The following GDPD5 variants were observed in gnomAD, a reference collection of about 807,000 sequenced individuals.
GDPD5 encodes the protein glycerophosphodiester phosphodiesterase 2.
Under a neutral mutation model 75.1 loss-of-function variants are expected in GDPD5, and 48 were observed. The ratio of observed to expected loss-of-function variants is 0.64; its 90% CI spans 0.51 to 0.81. GDPD5 has a LOEUF of 0.81. Among genes scored for constraint, GDPD5 ranks in the 40% least tolerant of loss-of-function variants. The probability of loss-of-function intolerance (pLI) is 0.00; values close to 1 mark genes in which losing one functional copy is unlikely to be tolerated. For synonymous variants in GDPD5, 336 were observed against 339.0 expected, an observed-to-expected ratio of 0.99 and a Z score of 0.10; for missense variants, 706 against 822.6, an observed-to-expected ratio of 0.86 and a Z score of 1.73.
At chr11:75,509,721 C>G (rs903919948) in intron 1 of GDPD5, among the ~76,000 whole-genome samples, 1 of 152,142 alleles carries the variant, frequency 6.6e-6, no homozygotes, top group South Asian at 2.1e-4. Flanking sequence ...GCTCTGTTGC[C>G]CAGGCTGGAG....
At chr11:75,459,257 T>C (rs990789683) in intron 4 of GDPD5, among the ~76,000 whole-genome samples, 2 of 152,206 alleles carry the variant, frequency 1.3e-5, no homozygotes, top group Non-Finnish European at 2.9e-5. Context: ...GAAATTTTTA[T>C]ACATATCTTT....
At chr11:75,503,713 C>T (rs1487338536) in intron 1 of GDPD5, among the ~76,000 whole-genome samples, 1 of 152,242 alleles carries the variant, frequency 6.6e-6, no homozygotes, top group Non-Finnish European at 1.5e-5. Flanking sequence ...AGAGCCTGCA[C>T]CATGCAAATG....
chr11:75,467,998 C>T (rs1314478499), intron 3 of GDPD5, among the ~76,000 whole-genome samples: 1 of 152,124 alleles, frequency 6.6e-6, no homozygotes, highest in Non-Finnish European at 1.5e-5. Flanking sequence ...TCATTAGCAG[C>T]GGGGGCTCAT....
intron 1 of GDPD5, among the ~76,000 whole-genome samples, chr11:75,497,437 C>G (rs1241039053): frequency 6.6e-6 from 1 of 152,136 alleles, no homozygotes; most frequent in African/African-American, 2.4e-5. Context: ...ACTTGTTTTC[C>G]TGACATTCAC....
At chr11:75,436,705 T>C (rs1461640582) in intron 16 of GDPD5, among the ~76,000 whole-genome samples, 1 of 152,126 alleles carries the variant, frequency 6.6e-6, no homozygotes, top group African/African-American at 2.4e-5. Flanking sequence ...CACCAAGCCA[T>C]GGTGGATGAC....
intron 6 of GDPD5, among the ~76,000 whole-genome samples, chr11:75,453,446 G>A (rs778466385): frequency 1.6e-4 from 24 of 151,950 alleles, no homozygotes; most frequent in Non-Finnish European, 2.6e-4. Context: ...GTGAAACCTC[G>A]TCTCTACTAA....
chr11:75,457,554 C>T, intron 5 of GDPD5, 139 bp downstream of exon 5: 1 of 593,296 alleles, frequency 1.7e-6, no homozygotes, highest in Non-Finnish European at 3.0e-6. Context: ...CCTTAGGATA[C>T]ATTCCTACAA....
chr11:75,458,523 T>C (rs940031243), intron 4 of GDPD5, among the ~76,000 whole-genome samples: 2 of 152,022 alleles, frequency 1.3e-5, no homozygotes, highest in African/African-American at 4.8e-5. Context: ...ATACAAAAAA[T>C]TAGCCGGGCG....
rs1340930133 is a variant in GDPD5, at chr11:75,444,573, G to A, written c.715-78C>T. 7 of 1,129,208 alleles carry A rather than the reference G, an allele frequency of 6.2e-6. No individual in the cohort carries two copies. In the Admixed American group the frequency reaches 1.2e-4, roughly 19 times the overall value. 69.9% of individuals were successfully genotyped at this position (1,129,208 alleles called of 1,614,324 possible). On this transcript the variant is annotated intron_variant, in intron 9 of 16. Coordinates refer to ENST00000336898, the MANE Select transcript of GDPD5 (RefSeq NM_030792.8). ...CCCCAGCCAATGGAAAGTCTTTCATGTTGGGAGGCTGGGCTAGGCCTGGTT... is the reference window on the plus strand; with the variant it reads ...CCCCAGCCAATGGAAAGTCTTTCATATTGGGAGGCTGGGCTAGGCCTGGTT...
intron 6 of GDPD5, chr11:75,451,552 C>T (rs535211765): frequency 6.6e-6 from 1 of 152,370 alleles, no homozygotes; most frequent in East Asian, 1.9e-4. Context: ...GTCAGAGAGG[C>T]TGCGCAGTCT....
intron 10 of GDPD5, among the ~76,000 whole-genome samples, chr11:75,443,567 T>C (rs1162277364): frequency 6.6e-6 from 1 of 152,116 alleles, no homozygotes; most frequent in Admixed American, 6.5e-5. Context: ...TTAGCAACCT[T>C]GGAAGGTAGG....
chr11:75,522,637 T>A (rs1941510055), intron 1 of GDPD5, among the ~76,000 whole-genome samples: 1 of 152,108 alleles, frequency 6.6e-6, no homozygotes, highest in Non-Finnish European at 1.5e-5. Flanking sequence ...GGGGGCCAGA[T>A]GACACTTTCT....
intron 9 of GDPD5, among the ~76,000 whole-genome samples, chr11:75,447,058 T>G (rs1420858720): frequency 6.6e-6 from 1 of 152,142 alleles, no homozygotes. Flanking sequence ...TAATGTTGTA[T>G]TTTTAGTAGA....
At chr11:75,470,441 G>T (rs1306323721) in intron 3 of GDPD5, among the ~76,000 whole-genome samples, 1 of 151,896 alleles carries the variant, frequency 6.6e-6, no homozygotes, top group African/African-American at 2.4e-5. Flanking sequence ...ATTTAAGAAG[G>T]GTGGCCCAAT....
intron 1 of GDPD5, chr11:75,508,268 T>C (rs1397685205): frequency 6.6e-6 from 1 of 152,262 alleles, no homozygotes; most frequent in Non-Finnish European, 1.5e-5. Context: ...TCCTCTCTCC[T>C]GTTTACAGAG....
chr11:75,504,962 T>C (rs983451771), intron 1 of GDPD5, among the ~76,000 whole-genome samples: 5 of 151,704 alleles, frequency 3.3e-5, no homozygotes, highest in African/African-American at 9.7e-5. Flanking sequence ...CCAGTCTCTA[T>C]TAAAAATACA....
intron 1 of GDPD5, among the ~76,000 whole-genome samples, chr11:75,519,445 C>T (rs1230448390): frequency 6.6e-6 from 1 of 152,228 alleles, no homozygotes; most frequent in Non-Finnish European, 1.5e-5. Flanking sequence ...GGAGCAGCTG[C>T]CCTTTGCCTG....
chr11:75,517,613 C>T (rs2135505729), intron 1 of GDPD5, among the ~76,000 whole-genome samples: 1 of 152,280 alleles, frequency 6.6e-6, no homozygotes, highest in Non-Finnish European at 1.5e-5. Flanking sequence ...TGGGTCTCCT[C>T]TTTGGCCTCT....
intron 16 of GDPD5, among the ~76,000 whole-genome samples, chr11:75,436,353 C>T (rs532030847): frequency 6.6e-6 from 1 of 152,316 alleles, no homozygotes; most frequent in Non-Finnish European, 1.5e-5. Flanking sequence ...CTTCCCTCAG[C>T]TCACTCGGCC....
Sources: allele counts gnomAD v4.1 joint callset (sites outside exome capture counted in the v4.1 genomes callset), GRCh38; gene constraint gnomAD v4.1.1; transcripts MANE v1.5; gene names NCBI Gene and HGNC (gene_info 2026-07-23, HGNC 2026-07-21).